Variants in AP3B1 observed in about 807,000 individuals in gnomAD.
AP3B1 encodes AP-3 complex subunit beta-1.
A neutral mutation model predicts 132.5 loss-of-function variants in AP3B1; 61 were observed. The ratio of observed to expected loss-of-function variants is 0.46; its 90% CI spans 0.37 to 0.57. AP3B1 has a LOEUF of 0.57. Ranked by LOEUF, AP3B1 falls within the 20% of genes least tolerant of loss-of-function variation. The pLI, the probability that AP3B1 is intolerant of heterozygous loss-of-function variation, is 0.00. For synonymous variants in AP3B1, 388 were observed against 438.3 expected, an observed-to-expected ratio of 0.89 and a Z score of 1.43; for missense variants, 1,120 against 1,289.4, an observed-to-expected ratio of 0.87 and a Z score of 2.01.
At chr5:78,254,448 G>C (rs1472540546) in intron 2 of AP3B1, among the ~76,000 whole-genome samples, 1 of 152,110 alleles carries the variant, frequency 6.6e-6, no homozygotes, top group Non-Finnish European at 1.5e-5. Flanking sequence ...GATAGAGAAA[G>C]GATCCTAAAA....
At chr5:78,210,888 AG>A in intron 7 of AP3B1, among the ~76,000 whole-genome samples, 1 of 152,142 alleles carries the variant, frequency 6.6e-6, no homozygotes, top group Non-Finnish European at 1.5e-5. Context: ...TTAGAGATCT[AG>A]GTTTATGCTT....
intron 12 of AP3B1, among the ~76,000 whole-genome samples, chr5:78,164,800 G>T (rs1027768180): frequency 1.3e-5 from 2 of 151,988 alleles, no homozygotes; most frequent in African/African-American, 4.8e-5. Context: ...AAGAAATCGT[G>T]TATACAGTGT....
rs778281326 is a variant in AP3B1 at position 78,225,588 on chromosome 5, T to G, written c.557A>C (p.Glu186Ala). 10 of 1,582,682 alleles carry G rather than the reference T, an allele frequency of 6.3e-6. No homozygotes were observed. In the Middle Eastern group the frequency reaches 5.0e-4, roughly 80 times the overall value. Residue 186 changes from glutamate (E) to alanine (A), a missense_variant, in exon 6 of 27, where the codon GAA (glutamate) becomes GCA (alanine). Coordinates refer to ENST00000255194, the MANE Select transcript of AP3B1 (RefSeq NM_003664.5). ...TTTTTCAATTACTTCAATTAACATT[T>G]CCTTCTGCTCTGGATCAAGGCTAAA... ...KLYSLDPEQK[E>A]MLIEVIEKLL...
At chr5:78,046,497 T>C (rs888585408) in intron 22 of AP3B1, among the ~76,000 whole-genome samples, 3 of 152,178 alleles carry the variant, frequency 2.0e-5, no homozygotes, top group Admixed American at 6.5e-5. Context: ...TCACGTCTTC[T>C]GAGCAGAAAC....
intron 22 of AP3B1, among the ~76,000 whole-genome samples, chr5:78,039,863 ATT>A (rs55844096): frequency 5.9e-5 from 8 of 135,176 alleles, no homozygotes; most frequent in African/African-American, 1.4e-4. Context: ...AAACATACTC[ATT>A]TTTTTTTTTT....
chr5:78,045,395 A>C (rs1580277021), intron 22 of AP3B1, among the ~76,000 whole-genome samples: 1 of 151,646 alleles, frequency 6.6e-6, no homozygotes, highest in Non-Finnish European at 1.5e-5. Flanking sequence ...AAAAAAAAAA[A>C]AAAAACACAA....
At chr5:78,216,266 A>T in intron 6 of AP3B1, 29 bp from the exon 7 acceptor site, 1 of 1,602,326 alleles carries the variant, frequency 6.2e-7, no homozygotes. Context: ...GTAACTTATT[A>T]AAAAATGTTT....
chr5:78,260,847 G>A (rs1748059749), intron 2 of AP3B1, among the ~76,000 whole-genome samples: 1 of 141,168 alleles, frequency 7.1e-6, no homozygotes, highest in Non-Finnish European at 1.6e-5. Context: ...CCTGATAAAA[G>A]TGGAATCATA....
chr5:78,170,857 T>C (rs1177208001), intron 11 of AP3B1, among the ~76,000 whole-genome samples: 1 of 152,238 alleles, frequency 6.6e-6, no homozygotes, highest in Non-Finnish European at 1.5e-5. Context: ...AGGGTTTTTA[T>C]GGTTTTAGCT....
chr5:78,110,099 G>C, intron 20 of AP3B1, 108 bp downstream of exon 20: 1 of 1,018,630 alleles, frequency 9.8e-7, no homozygotes, highest in Non-Finnish European at 1.5e-6. Flanking sequence ...TAAGGGAAAG[G>C]CTTATCTAGA....
intron 2 of AP3B1, among the ~76,000 whole-genome samples, chr5:78,247,504 A>G (rs2112529760): frequency 6.6e-6 from 1 of 150,978 alleles, no homozygotes. Context: ...GTCAGTTCTA[A>G]CAGGTTTTTT....
At chr5:78,129,536 A>G (rs546197515) in intron 15 of AP3B1, among the ~76,000 whole-genome samples, 1 of 152,260 alleles carries the variant, frequency 6.6e-6, no homozygotes, top group Non-Finnish European at 1.5e-5. Flanking sequence ...GCCATGTGCT[A>G]GATTATTAAA....
intron 21 of AP3B1, among the ~76,000 whole-genome samples, chr5:78,093,585 A>G (rs1750627335): frequency 6.6e-6 from 1 of 152,192 alleles, no homozygotes; most frequent in African/African-American, 2.4e-5. Flanking sequence ...TAATTATTCA[A>G]TTATTCTTCT....
intron 20 of AP3B1, among the ~76,000 whole-genome samples, chr5:78,104,883 A>G (rs956211114): frequency 6.6e-5 from 10 of 152,168 alleles, no homozygotes; most frequent in Non-Finnish European, 1.5e-4. Flanking sequence ...ACACAAATAT[A>G]ACCTGAGATA....
chr5:78,265,885 TC>T (rs1200111004), intron 2 of AP3B1, among the ~76,000 whole-genome samples: 1 of 152,238 alleles, frequency 6.6e-6, no homozygotes, highest in Non-Finnish European at 1.5e-5. Context: ...ACTTTTCATT[TC>T]TTTGCTGTAT....
At chr5:78,222,442 G>A (rs772898199) in intron 6 of AP3B1, 1 of 152,512 alleles carries the variant, frequency 6.6e-6, no homozygotes. Flanking sequence ...GGCAGAAGAG[G>A]GGTGAAGTCT....
Position 78,282,059 on chromosome 5 carries a change from CT to C in AP3B1, c.128+12392del, listed in dbSNP as rs140351252. On this transcript the variant is annotated intron_variant, in intron 1 of 26. Transcript: ENST00000255194. ...CGTCCTCTACCTGAAAGCCAAAGTT[CT>C]TCGGAGAAGTGATCTTCTTTTACTC... Among the ~76,000 whole-genome samples, 6 of 152,296 alleles carry C rather than the reference CT, an allele frequency of 3.9e-5. No homozygotes were observed. In the East Asian group the frequency reaches 1.2e-3, roughly 29 times the overall value.
chr5:78,162,996 G>A (rs1237403076), intron 12 of AP3B1, 45 bp from the exon 13 acceptor site: 11 of 1,580,878 alleles, frequency 7.0e-6, no homozygotes, highest in South Asian at 3.3e-5. Flanking sequence ...GTATTATTGA[G>A]TTAACCAAAA....
chr5:78,013,201 T>C (rs906644217), intron 26 of AP3B1, among the ~76,000 whole-genome samples: 1 of 152,050 alleles, frequency 6.6e-6, no homozygotes. Flanking sequence ...TGTGCCACCA[T>C]GCCGGATTTA....
Sources: allele counts gnomAD v4.1 joint callset (sites outside exome capture counted in the v4.1 genomes callset), GRCh38; gene constraint gnomAD v4.1.1; transcripts MANE v1.5; gene names NCBI Gene and HGNC (gene_info 2026-07-23, HGNC 2026-07-21).